Variants in BBX observed in about 807,000 individuals in gnomAD.
BBX encodes BBX high mobility group box domain containing, also known as HMG box transcription factor BBX.
A neutral mutation model predicts 100.2 loss-of-function variants in BBX; 30 were observed. The observed-to-expected ratio is 0.30, with a 90% confidence interval of 0.22 to 0.41. The LOEUF is 0.41. Among genes scored for constraint, BBX ranks in the 10% least tolerant of loss-of-function variants. BBX has a pLI of 1.00. For synonymous variants in BBX, 376 were observed against 388.1 expected, an observed-to-expected ratio of 0.97 and a Z score of 0.37; for missense variants, 1,023 against 1,129.8, an observed-to-expected ratio of 0.91 and a Z score of 1.35.
chr3:107,773,668 C>A lies in BBX; in HGVS notation c.1915+32C>A, dbSNP rs1337070899. 3.9e-6 allele frequency: 6 copies of A among 1,552,694 alleles called. No individual in the cohort carries two copies. Among genetic ancestry groups the A allele is most frequent in the Non-Finnish European group, 3.5e-6 (4 of 1,154,660 alleles). On this transcript the variant is annotated intron_variant, in intron 11 of 17. Transcript: ENST00000325805. This position sits in a 1 kb window ranked among gnomAD's most constrained non-coding sequence, Gnocchi z 4.1. Reference sequence around the variant, plus strand: ...AACTTCTACAAACCTGAAAAGAATTCAAAAACCAAACAGAATTTCACCTTT... The same window carrying A: ...AACTTCTACAAACCTGAAAAGAATTAAAAAACCAAACAGAATTTCACCTTT...
chr3:107,533,647 CTT>C (rs1323958765), intron 2 of BBX, among the ~76,000 whole-genome samples: 5 of 152,136 alleles, frequency 3.3e-5, no homozygotes, highest in Non-Finnish European at 5.9e-5. Context: ...GTGATGATTC[CTT>C]TGTTGTTGTT....
intron 7 of BBX, among the ~76,000 whole-genome samples, chr3:107,735,491 C>G (rs925059057): frequency 2.0e-5 from 3 of 151,938 alleles, no homozygotes; most frequent in Non-Finnish European, 2.9e-5. Flanking sequence ...ATGACAGAAC[C>G]CTTATTCTGA....
intron 3 of BBX, among the ~76,000 whole-genome samples, chr3:107,686,660 C>G (rs1197243396): frequency 2.6e-5 from 4 of 152,134 alleles, no homozygotes; most frequent in African/African-American, 9.7e-5. Context: ...CATGGAGGAG[C>G]CTCTCAGTGT....
intron 7 of BBX, among the ~76,000 whole-genome samples, chr3:107,733,461 G>A (rs1030089692): frequency 6.6e-6 from 1 of 152,104 alleles, no homozygotes; most frequent in African/African-American, 2.4e-5. Flanking sequence ...TTGAAAATTA[G>A]GAAACATGGC....
chr3:107,554,014 A>G (rs760393659), intron 2 of BBX, among the ~76,000 whole-genome samples: 1 of 152,194 alleles, frequency 6.6e-6, no homozygotes, highest in Non-Finnish European at 1.5e-5. Context: ...AACAAATAAG[A>G]AACTGAGAGT....
intron 10 of BBX, among the ~76,000 whole-genome samples, chr3:107,768,066 C>T (rs2066538933): frequency 6.6e-6 from 1 of 152,196 alleles, no homozygotes; most frequent in Non-Finnish European, 1.5e-5. Flanking sequence ...TCTGTTTCTT[C>T]TGTGGCTTTC....
At chr3:107,734,134 G>T (rs1051362509) in intron 7 of BBX, among the ~76,000 whole-genome samples, 2 of 151,972 alleles carry the variant, frequency 1.3e-5, no homozygotes, top group African/African-American at 4.8e-5. Context: ...TATACTTGAA[G>T]GCTATTCAAA....
chr3:107,555,318 T>C (rs1398317468), intron 2 of BBX, among the ~76,000 whole-genome samples: 1 of 152,180 alleles, frequency 6.6e-6, no homozygotes, highest in Non-Finnish European at 1.5e-5. Flanking sequence ...TTTAAGATTT[T>C]CTATATACCT....
intron 2 of BBX, among the ~76,000 whole-genome samples, chr3:107,555,070 AAACAACAACAAC>A (rs77709627): frequency 6.6e-6 from 1 of 150,954 alleles, no homozygotes; most frequent in African/African-American, 2.4e-5. Context: ...CTCCGTCTCA[AAACAACAACAAC>A]AACAACAACA....
intron 17 of BBX, among the ~76,000 whole-genome samples, chr3:107,803,690 A>G (rs1052319629): frequency 1.3e-5 from 2 of 152,206 alleles, no homozygotes; most frequent in Non-Finnish European, 2.9e-5. Flanking sequence ...TGCCAAGAGC[A>G]CACAGCCAAT....
chr3:107,545,807 A>G (rs1368828115), intron 2 of BBX, among the ~76,000 whole-genome samples: 2 of 152,258 alleles, frequency 1.3e-5, no homozygotes, highest in East Asian at 1.9e-4. Flanking sequence ...GGTAGTGATG[A>G]TGCATTAAGT....
intron 2 of BBX, among the ~76,000 whole-genome samples, chr3:107,615,529 C>T (rs1445695070): frequency 6.6e-6 from 1 of 152,062 alleles, no homozygotes. Context: ...CACTTAATCC[C>T]ATTCATGAGT....
At chr3:107,800,385 A>G (rs796241282) in intron 16 of BBX, among the ~76,000 whole-genome samples, 4 of 152,332 alleles carry the variant, frequency 2.6e-5, no homozygotes, top group Admixed American at 6.5e-5. Context: ...TTTGTGTCCT[A>G]ATAGATAATA....
chr3:107,786,469 A>C (rs1051520982), intron 13 of BBX, among the ~76,000 whole-genome samples: 1 of 152,194 alleles, frequency 6.6e-6, no homozygotes, highest in African/African-American at 2.4e-5. Context: ...GTGGAATAGA[A>C]TTGGTAGAGA....
rs1180206338 is a variant in BBX, at chr3:107,801,140, C to G, written c.2597C>G (p.Thr866Ser). Residue 866 changes from threonine to serine, a missense_variant, in exon 17 of 18, where the codon ACT becomes AGT. Physicochemically the swap from Thr to Ser is moderately conservative, Grantham distance 58. Transcript: ENST00000325805. ...EQLQRSLPKA[T>S]ETDCNDKCSH... ...CTGCAGAGGAGTCTCCCTAAAGCAA[C>G]TGAGACAGACTGCAATGACAAATGC... The G allele has an allele frequency of 6.2e-7, 1 of 1,614,210 alleles. No homozygotes were observed. The highest frequency in any genetic ancestry group is 8.5e-7 in the Non-Finnish European group (1 of 1,180,044).
chr3:107,690,164 C>T (rs1223017643), intron 3 of BBX, among the ~76,000 whole-genome samples: 2 of 151,862 alleles, frequency 1.3e-5, no homozygotes, highest in Non-Finnish European at 2.9e-5. Context: ...AAAATTAAAA[C>T]GAATGTATTA....
At chr3:107,608,195 G>A (rs2054588233) in intron 2 of BBX, among the ~76,000 whole-genome samples, 1 of 151,796 alleles carries the variant, frequency 6.6e-6, no homozygotes, top group African/African-American at 2.4e-5. Context: ...CATAGTTTGA[G>A]GTCTTCGATT....
At chr3:107,679,075 A>G (rs764445515) in intron 3 of BBX, among the ~76,000 whole-genome samples, 1 of 152,012 alleles carries the variant, frequency 6.6e-6, no homozygotes, top group Non-Finnish European at 1.5e-5. Flanking sequence ...GATATGAAGC[A>G]TAGACAAAGT....
intron 4 of BBX, among the ~76,000 whole-genome samples, chr3:107,715,727 A>G (rs1209060767): frequency 4.6e-5 from 7 of 152,268 alleles, no homozygotes. Flanking sequence ...AAACGGGAAG[A>G]CTAGGCGTAG....
Sources: allele counts gnomAD v4.1 joint callset (sites outside exome capture counted in the v4.1 genomes callset), GRCh38; gene constraint gnomAD v4.1.1; non-coding constraint Gnocchi (gnomAD v3.1); transcripts MANE v1.5; gene names NCBI Gene and HGNC (gene_info 2026-07-23, HGNC 2026-07-21).